Variants in TMEM132D observed in about 807,000 individuals in gnomAD.
TMEM132D encodes transmembrane protein 132D.
A neutral mutation model predicts 62.3 loss-of-function variants in TMEM132D; 21 were observed. The ratio of observed to expected loss-of-function variants is 0.34; its 90% CI spans 0.24 to 0.49. TMEM132D has a LOEUF of 0.49. Ranked by LOEUF, TMEM132D falls within the 20% of genes least tolerant of loss-of-function variation. The pLI is 0.99. For synonymous variants in TMEM132D, 621 were observed against 575.6 expected, an observed-to-expected ratio of 1.08 and a Z score of -1.13; for missense variants, 1,346 against 1,402.8, an observed-to-expected ratio of 0.96 and a Z score of 0.65.
chr12:129,197,688 A>T (rs917604864), intron 5 of TMEM132D, among the ~76,000 whole-genome samples: 2 of 152,238 alleles, frequency 1.3e-5, no homozygotes, highest in African/African-American at 4.8e-5. Context: ...CAAAACTACT[A>T]GAAGAAAACA....
intron 4 of TMEM132D, among the ~76,000 whole-genome samples, chr12:129,303,099 C>A: frequency 6.6e-6 from 1 of 152,154 alleles, no homozygotes; most frequent in East Asian, 1.9e-4. Context: ...ACACATCAAC[C>A]GGTGCCACCC....
chr12:129,842,628 C>T (rs910159795), intron 1 of TMEM132D, among the ~76,000 whole-genome samples: 7 of 151,790 alleles, frequency 4.6e-5, no homozygotes, highest in Admixed American at 3.9e-4. Flanking sequence ...GACACCATGC[C>T]CAGCTTATTT....
chr12:129,102,752 A>T (rs1565964729), intron 5 of TMEM132D, among the ~76,000 whole-genome samples: 2 of 152,168 alleles, frequency 1.3e-5, no homozygotes, highest in Non-Finnish European at 1.5e-5. Flanking sequence ...TTTCTTTGGG[A>T]TCATAAAATA....
At chr12:129,536,524 A>G (rs1170874110) in intron 2 of TMEM132D, among the ~76,000 whole-genome samples, 2 of 152,350 alleles carry the variant, frequency 1.3e-5, no homozygotes, top group East Asian at 3.9e-4. Flanking sequence ...CCACTACATC[A>G]ACATGTTGAT....
At chr12:129,555,447 T>C (rs986448845) in intron 2 of TMEM132D, among the ~76,000 whole-genome samples, 12 of 152,148 alleles carry the variant, frequency 7.9e-5, no homozygotes, top group African/African-American at 2.2e-4. Flanking sequence ...CAGAAAAAAA[T>C]GTCGGCCTTA....
intron 1 of TMEM132D, among the ~76,000 whole-genome samples, chr12:129,875,001 AGAAAT>A (rs2137380447): frequency 6.6e-6 from 1 of 152,370 alleles, no homozygotes; most frequent in Non-Finnish European, 1.5e-5. Flanking sequence ...ATGGCTAAAA[AGAAAT>A]GAAAAGAAGG....
intron 1 of TMEM132D, among the ~76,000 whole-genome samples, chr12:129,806,213 A>G (rs1871974407): frequency 2.0e-5 from 1 of 49,572 alleles, no homozygotes. Flanking sequence ...AAAGGACTAT[A>G]AATCATGCTG....
intron 2 of TMEM132D, among the ~76,000 whole-genome samples, chr12:129,537,870 T>G (rs990583196): frequency 6.6e-6 from 1 of 152,150 alleles, no homozygotes; most frequent in Non-Finnish European, 1.5e-5. Context: ...TAATAGAACA[T>G]TAAAATCCCT....
intron 2 of TMEM132D, among the ~76,000 whole-genome samples, chr12:129,553,639 T>C (rs1241138872): frequency 6.6e-6 from 1 of 152,206 alleles, no homozygotes; most frequent in Non-Finnish European, 1.5e-5. Context: ...CATGACAGCA[T>C]TGAATGTGTC....
chr12:129,594,982 T>C (rs1878295100), intron 2 of TMEM132D, among the ~76,000 whole-genome samples: 1 of 152,196 alleles, frequency 6.6e-6, no homozygotes. Context: ...GAAAGCAAAG[T>C]ATGAACCTAT....
chr12:129,769,975 G>T (rs897468234), intron 1 of TMEM132D, among the ~76,000 whole-genome samples: 2 of 151,598 alleles, frequency 1.3e-5, no homozygotes, highest in Non-Finnish European at 2.9e-5. Context: ...CACACCCGAC[G>T]AACGTTCTTT....
In TMEM132D at chr12:129,201,957, G is replaced by C. The variant is rs1317622202; in HGVS notation, c.1443+7563C>G. On this transcript the variant is annotated intron_variant, in intron 5 of 8. Transcript: ENST00000422113. ...TTATTTCCAACCTCTGAGAATCACAGTGTATATTATTGCAAACATCTGAAA... is the reference window on the plus strand; with the variant it reads ...TTATTTCCAACCTCTGAGAATCACACTGTATATTATTGCAAACATCTGAAA... Among the ~76,000 whole-genome samples, 4 of 152,004 alleles carry C rather than the reference G, an allele frequency of 2.6e-5. No homozygotes were observed. In the East Asian group the frequency reaches 5.8e-4, roughly 22 times the overall value.
At chr12:129,319,816 G>T (rs1299230933) in intron 4 of TMEM132D, among the ~76,000 whole-genome samples, 8 of 152,178 alleles carry the variant, frequency 5.3e-5, no homozygotes, top group Admixed American at 5.2e-4. Context: ...GCTGAGTGAG[G>T]AAATTGATGG....
At chr12:129,327,297 G>A (rs1386798697) in intron 4 of TMEM132D, among the ~76,000 whole-genome samples, 2 of 152,162 alleles carry the variant, frequency 1.3e-5, no homozygotes, top group Non-Finnish European at 2.9e-5. Flanking sequence ...CAGTGGGTCC[G>A]CATGGCAAGT....
At position 129,700,047 on chromosome 12, in the gene TMEM132D, G is replaced by C. The variant is rs368282993; in HGVS notation, c.731C>G (p.Ala244Gly). The C allele has an allele frequency of 1.2e-6, 2 of 1,613,806 alleles. No homozygotes were observed. The highest frequency in any genetic ancestry group is 1.7e-6 in the Non-Finnish European group (2 of 1,180,032). The change falls in exon 2 of 9, where the codon GCG becomes GGG. Residue 244 changes from alanine (A) to glycine (G), a missense_variant. Ala to Gly is a moderately conservative substitution (Grantham distance 60, BLOSUM62 0). Transcript: ENST00000422113. ...TGTCCGGATCCCATTGCTTCTCCTC[G>C]CGTCTTCCCTGACGCAGTCCCCTCT... ...GERGDCVRED[A>G]RRSNGIRTGH...
rs1880527838 is a variant in TMEM132D, at chr12:129,672,677, T to C, written c.968+27133A>G. Among the ~76,000 whole-genome samples, 3 of 152,220 alleles carry C rather than the reference T, an allele frequency of 2.0e-5. No individual in the cohort carries two copies. In the South Asian group the frequency reaches 6.2e-4, roughly 31 times the overall value. On this transcript the variant is annotated intron_variant, in intron 2 of 8. Coordinates refer to ENST00000422113, the MANE Select transcript of TMEM132D (RefSeq NM_133448.3). ...GAGTATGTGAGCTTTGACAATTTTA[T>C]AGGCTCATACAATCTACATATGTGC...
At chr12:129,792,872 G>A (rs1321986594) in intron 1 of TMEM132D, among the ~76,000 whole-genome samples, 2 of 152,000 alleles carry the variant, frequency 1.3e-5, no homozygotes, top group Non-Finnish European at 2.9e-5. Flanking sequence ...TAGGTGGTAC[G>A]GAAAACACAG....
intron 5 of TMEM132D, among the ~76,000 whole-genome samples, chr12:129,167,021 A>G (rs7959496): frequency 0.45 from 68,779 of 151,316 alleles, 17,820 homozygotes; most frequent in African/African-American, 0.71. Context: ...AAAATTAGGC[A>G]TGTTGGTGCA....
intron 5 of TMEM132D, among the ~76,000 whole-genome samples, chr12:129,175,620 A>G (rs1877881910): frequency 6.6e-6 from 1 of 152,190 alleles, no homozygotes; most frequent in Non-Finnish European, 1.5e-5. Flanking sequence ...ACGCAAGAGA[A>G]TCACTTGAAC....
Sources: allele counts gnomAD v4.1 joint callset (sites outside exome capture counted in the v4.1 genomes callset), GRCh38; gene constraint gnomAD v4.1.1; transcripts MANE v1.5; gene names NCBI Gene and HGNC (gene_info 2026-07-23, HGNC 2026-07-21).